ACSM2A: variants seen among roughly 807,000 people sequenced by gnomAD.
The protein encoded by ACSM2A is acyl-CoA synthetase medium chain family member 2A.
ACSM2A carries 72 observed loss-of-function variants against 76.6 expected under a neutral mutation model. That is an observed-to-expected ratio of 0.94 (90% CI 0.78 to 1.14). ACSM2A has a LOEUF of 1.14. Ranked by LOEUF, ACSM2A falls within the 50% of genes most tolerant of loss-of-function variation. The pLI is 0.00. For synonymous variants in ACSM2A, 249 were observed against 255.9 expected (o/e 0.97, Z 0.26); for missense variants, 684 against 708.5 (o/e 0.97, Z 0.39).
intron 12 of ACSM2A, chr16:20,481,205 A>C (rs2014062535): frequency 2.4e-6 from 1 of 423,050 alleles, no homozygotes; most frequent in South Asian, 3.7e-5. Context: ...CATACGATCC[A>C]GCAATCCCAC....
chr16:20,454,659 A>G lies in ACSM2A; in HGVS notation c.-9+2978A>G, dbSNP rs865871520. The stretch of plus-strand genomic sequence containing the variant: ...CCCATGGGAAAAAAGAATCTGAACA[A>G]TAGCCTTGAGCCCCAGATCTTCCCT... On this transcript the variant is annotated intron_variant, in intron 1 of 13. Transcript: ENST00000573854. 6.1e-4 allele frequency among the ~76,000 whole-genome samples: 92 copies of G among 151,326 alleles called. 1 individual carries two copies. The highest frequency in any genetic ancestry group is 1.9e-3 in the African/African-American group (78 of 41,070).
intron 6 of ACSM2A, 135 bp downstream of exon 6, chr16:20,471,824 G>C: frequency 6.9e-7 from 1 of 1,456,390 alleles, no homozygotes; most frequent in Non-Finnish European, 9.2e-7. Context: ...TTCAGTAAAC[G>C]AGATGGAAAT....
At chr16:20,477,788 A>G (rs1308974602) in intron 9 of ACSM2A, among the ~76,000 whole-genome samples, 2 of 152,224 alleles carry the variant, frequency 1.3e-5, no homozygotes, top group Non-Finnish European at 2.9e-5. Flanking sequence ...AATTTAGGTA[A>G]GGATCTTTTC....
rs1421500088 is a variant in ACSM2A at position 20,461,385 on chromosome 16, A to G, written c.177+1094A>G. ...TTTTTTAAAGTTATACTTCCTTTAA[A>G]TATTGAGGAAGGCCCTTTAAATATT... On this transcript the variant is annotated intron_variant, in intron 2 of 13. Transcript: ENST00000573854. Among the ~76,000 whole-genome samples, 3 of 152,310 alleles carry G rather than the reference A, an allele frequency of 2.0e-5. No homozygotes were observed. In the East Asian group the frequency reaches 5.8e-4, roughly 29 times the overall value.
In ACSM2A at chr16:20,457,566, A is replaced by C. The variant is rs71237477; in HGVS notation, c.-8-2541A>C. On this transcript the variant is annotated intron_variant, in intron 1 of 13. Coordinates refer to ENST00000573854, the MANE Select transcript of ACSM2A (RefSeq NM_001308172.2). Reference sequence around the variant, plus strand: ...TAAACAGAATTAAAAACAAAAATCAAATTATTATCTCAATAGATGTAGAAA... The same window carrying C: ...TAAACAGAATTAAAAACAAAAATCACATTATTATCTCAATAGATGTAGAAA... 3.6e-3 allele frequency among the ~76,000 whole-genome samples: 542 copies of C among 152,114 alleles called. 3 individuals carry two copies. Among genetic ancestry groups the C allele is most frequent in the African/African-American group, 9.6e-3 (400 of 41,536 alleles).
At position 20,458,932 on chromosome 16, in the gene ACSM2A, A is replaced by G. The variant is rs190632931; in HGVS notation, c.-8-1175A>G. ...TATATATATATATATATATATATAT[A>G]CATATATATATATAATGAAATACTA... is the stretch of plus-strand genomic sequence containing the variant. On this transcript the variant is annotated intron_variant, in intron 1 of 13. Transcript: ENST00000573854. Among the ~76,000 whole-genome samples the G allele has an allele frequency of 4.5e-3, 254 of 56,938 alleles. 1 individual carries two copies. Among genetic ancestry groups the G allele is most frequent in the Middle Eastern group, 0.024 (3 of 126 alleles). The allele number at this position is 56,938 out of a possible 152,430, so 37.4% of individuals were successfully genotyped here.
chr16:20,459,834 G>A (rs1240423584), intron 1 of ACSM2A, among the ~76,000 whole-genome samples: 5 of 152,068 alleles, frequency 3.3e-5, no homozygotes, highest in Non-Finnish European at 7.3e-5. Flanking sequence ...AAGCACAAGG[G>A]GATTTATTAC....
chr16:20,482,974 G>C lies in ACSM2A; in HGVS notation c.1510-84G>C, dbSNP rs73547418. 1,926 of 1,566,636 alleles carry C rather than the reference G, an allele frequency of 1.2e-3. 16 individuals are homozygous for C. In the African/African-American group the frequency reaches 0.018, roughly 15 times the overall value. ...CAAATGAGGAGATACAAGGGTGATGGAAGTCTTAATGCCAATTTCACATTA... is the reference window on the plus strand; with the variant it reads ...CAAATGAGGAGATACAAGGGTGATGCAAGTCTTAATGCCAATTTCACATTA... On this transcript the variant is annotated intron_variant, in intron 12 of 13. Coordinates refer to ENST00000573854, the MANE Select transcript of ACSM2A (RefSeq NM_001308172.2).
At position 20,471,218 on chromosome 16, in the gene ACSM2A, T is replaced by A; in HGVS notation, c.740+2T>A. ...CCTCAAGGCCAAGATGGATGCTGGG[T>A]AAGCTGAGCTCTTTCTCTCTACAGA... On this transcript the variant is annotated splice_donor_variant, in intron 5 of 13. Coordinates refer to ENST00000573854, the MANE Select transcript of ACSM2A (RefSeq NM_001308172.2). LOFTEE classifies it high-confidence loss of function. The A allele has an allele frequency of 6.2e-7, 1 of 1,607,950 alleles. No individual in the cohort carries two copies. Among genetic ancestry groups the A allele is most frequent in the Non-Finnish European group, 8.5e-7 (1 of 1,176,548 alleles).
intron 4 of ACSM2A, among the ~76,000 whole-genome samples, chr16:20,469,983 G>A (rs936932323): frequency 4.7e-5 from 7 of 149,800 alleles, no homozygotes; most frequent in Non-Finnish European, 8.9e-5. Flanking sequence ...GTCCTCTAAA[G>A]GATTGAAAAG....
intron 2 of ACSM2A, among the ~76,000 whole-genome samples, chr16:20,464,988 A>G (rs184614345): frequency 6.6e-6 from 1 of 152,248 alleles, no homozygotes; most frequent in Non-Finnish European, 1.5e-5. Context: ...ATAGAGATAC[A>G]TATATAAATA....
At chr16:20,477,181 T>G (rs1596670515) in intron 8 of ACSM2A, 188 bp from the exon 9 acceptor site, 8 of 1,083,968 alleles carry the variant, frequency 7.4e-6, no homozygotes, top group Non-Finnish European at 8.6e-6. Flanking sequence ...GAACTAACAA[T>G]TTAGCGAAGC....
intron 1 of ACSM2A, among the ~76,000 whole-genome samples, chr16:20,455,165 T>G (rs79195700): frequency 0.077 from 11,505 of 150,282 alleles, 759 homozygotes; most frequent in African/African-American, 0.21. Context: ...TGATCAAATC[T>G]AAGAATAATT....
intron 3 of ACSM2A, among the ~76,000 whole-genome samples, chr16:20,468,572 C>T (rs939428900): frequency 3.9e-5 from 6 of 152,180 alleles, no homozygotes; most frequent in African/African-American, 1.4e-4. Context: ...GTTGGCCAGG[C>T]TGGTCTTGAA....
At chr16:20,479,389 A>G (rs141016511) in intron 10 of ACSM2A, among the ~76,000 whole-genome samples, 9 of 152,206 alleles carry the variant, frequency 5.9e-5, no homozygotes, top group Non-Finnish European at 1.3e-4. Flanking sequence ...CTTTAAACTC[A>G]TTTAAACTTT....
chr16:20,471,273 G>A, intron 5 of ACSM2A, 57 bp downstream of exon 5: 1 of 1,581,958 alleles, frequency 6.3e-7, no homozygotes. Flanking sequence ...GTTAGAAGGA[G>A]AATGAGACCC....
At chr16:20,459,017 C>T (rs1205173477) in intron 1 of ACSM2A, among the ~76,000 whole-genome samples, 1 of 148,602 alleles carries the variant, frequency 6.7e-6, no homozygotes, top group Non-Finnish European at 1.5e-5. Context: ...GGATTGGAGA[C>T]CATCGTTCAA....
intron 1 of ACSM2A, among the ~76,000 whole-genome samples, chr16:20,458,588 T>C (rs2012352988): frequency 6.9e-6 from 1 of 144,178 alleles, no homozygotes; most frequent in African/African-American, 2.5e-5. Context: ...TAATATAGTA[T>C]ATATATTTTT....
At chr16:20,462,990 C>A (rs1178259451) in intron 2 of ACSM2A, among the ~76,000 whole-genome samples, 10 of 147,432 alleles carry the variant, frequency 6.8e-5, no homozygotes, top group Non-Finnish European at 1.2e-4. Flanking sequence ...GACAAAAAAA[C>A]CAAACACAGC....
Sources: allele counts gnomAD v4.1 joint callset (sites outside exome capture counted in the v4.1 genomes callset), GRCh38; gene constraint gnomAD v4.1.1; transcripts MANE v1.5; gene names NCBI Gene and HGNC (gene_info 2026-07-23, HGNC 2026-07-21).